Variants in TBL1XR1 observed in about 807,000 individuals in gnomAD.
TBL1XR1 encodes the protein TBL1X/Y related 1.
Under a neutral mutation model 66.9 loss-of-function variants are expected in TBL1XR1, and 5 were observed. The ratio of observed to expected loss-of-function variants is 0.07; its 90% CI spans 0.04 to 0.16. The LOEUF (loss-of-function observed/expected upper bound fraction) is 0.16, where lower values mean the gene tolerates loss of function less well. Among genes scored for constraint, TBL1XR1 ranks in the 10% least tolerant of loss-of-function variants. The pLI is 1.00. For synonymous variants in TBL1XR1, 210 were observed against 206.0 expected, an observed-to-expected ratio of 1.02 and a Z score of -0.17; for missense variants, 238 against 623.2, an observed-to-expected ratio of 0.38 and a Z score of 6.58.
intron 10 of TBL1XR1, among the ~76,000 whole-genome samples, chr3:177,043,091 G>T (rs1349956922): frequency 6.6e-6 from 1 of 152,112 alleles, no homozygotes; most frequent in African/African-American, 2.4e-5. Context: ...GTGGGTTCCT[G>T]AGTACTTGGG....
At chr3:177,194,649 G>C (rs754207046) in intron 1 of TBL1XR1, among the ~76,000 whole-genome samples, 1 of 151,986 alleles carries the variant, frequency 6.6e-6, no homozygotes, top group Non-Finnish European at 1.5e-5. Context: ...TGTTCAAAAG[G>C]TCTATTAATA....
intron 1 of TBL1XR1, among the ~76,000 whole-genome samples, chr3:177,193,374 G>A (rs189833032): frequency 9.9e-5 from 15 of 151,624 alleles, no homozygotes; most frequent in African/African-American, 3.1e-4. Context: ...GCAATGGCGC[G>A]ATCTTGGCTC....
chr3:177,200,340 C>T (rs1363643976), upstream of TBL1XR1, among the ~76,000 whole-genome samples: 1 of 152,148 alleles, frequency 6.6e-6, no homozygotes, highest in African/African-American at 2.4e-5. Context: ...TTGATTCTTC[C>T]AGCAAAGGGG....
intron 1 of TBL1XR1, among the ~76,000 whole-genome samples, chr3:177,162,913 G>T (rs554884887): frequency 6.6e-6 from 1 of 152,286 alleles, no homozygotes; most frequent in East Asian, 1.9e-4. Context: ...CACTATGTTG[G>T]CAAGAACATG....
At chr3:177,034,617 T>C (rs1342311466) in intron 12 of TBL1XR1, among the ~76,000 whole-genome samples, 2 of 152,150 alleles carry the variant, frequency 1.3e-5, no homozygotes, top group Non-Finnish European at 2.9e-5. Context: ...TCCTAAAATG[T>C]TGAAGGCACA....
intron 3 of TBL1XR1, among the ~76,000 whole-genome samples, chr3:177,055,873 T>C (rs940558487): frequency 6.6e-6 from 1 of 152,192 alleles, no homozygotes; most frequent in African/African-American, 2.4e-5. Context: ...AGAGGGCCTA[T>C]ACCATATGCT....
intron 1 of TBL1XR1, among the ~76,000 whole-genome samples, chr3:177,101,616 T>A (rs189545432): frequency 6.6e-6 from 1 of 152,174 alleles, no homozygotes; most frequent in Non-Finnish European, 1.5e-5. Flanking sequence ...CCCTCCAACA[T>A]GTTATAAAGC....
chr3:177,038,364 A>C lies in TBL1XR1; in HGVS notation c.996T>G (p.His332Gln). 1 of 1,588,670 alleles carries C rather than the reference A, an allele frequency of 6.3e-7. No individual in the cohort carries two copies. The highest frequency in any genetic ancestry group is 8.6e-7 in the Non-Finnish European group (1 of 1,165,712). The change falls in exon 11 of 16, where the codon CAT (histidine) becomes CAG (glutamine). Residue 332 changes from histidine (H) to glutamine (Q), a missense_variant. Coordinates refer to ENST00000457928, the MANE Select transcript of TBL1XR1 (RefSeq NM_024665.7). Reference protein sequence around the residue: ...FASCSTDMCIHVCKLGQDRPI... With the variant: ...FASCSTDMCIQVCKLGQDRPI... ...GTCTGTCTTGTCCTAATTTACAGAC[A>C]TGAATGCACATATCTGTACTACAAG...
In TBL1XR1 at chr3:177,025,536, T is replaced by A; in HGVS notation, c.1519-12A>T. 6.2e-7 allele frequency: 1 copy of A among 1,611,820 alleles called. No homozygotes were observed. Reference sequence around the variant, plus strand: ...TCTAATACACAAACCTGTAAGAAATTAAAATAATCAACCAGTGTATTCAGA... The same window carrying A: ...TCTAATACACAAACCTGTAAGAAATAAAAATAATCAACCAGTGTATTCAGA... On this transcript the variant is annotated splice_polypyrimidine_tract_variant and intron_variant, in intron 15 of 15. Coordinates refer to ENST00000457928, the MANE Select transcript of TBL1XR1 (RefSeq NM_024665.7).
rs1473385723 is a variant in TBL1XR1 at position 177,114,985 on chromosome 3, G to GAAA, written c.-121-16447_-121-16445dup. Among the ~76,000 whole-genome samples the GAAA allele has an allele frequency of 2.7e-5, 4 of 150,086 alleles. No homozygotes were observed. The South Asian group carries it at 6.5e-4, about 24-fold the overall frequency. ...CAGAGTAAGACCTTGTCACTTTGGG[G>GAAA]AAAAAAATAATAATAATAATAATAA... On this transcript the variant is annotated intron_variant, in intron 1 of 15. Coordinates refer to ENST00000457928, the MANE Select transcript of TBL1XR1 (RefSeq NM_024665.7).
At chr3:177,039,250 A>G (rs903324443) in intron 10 of TBL1XR1, among the ~76,000 whole-genome samples, 6 of 152,232 alleles carry the variant, frequency 3.9e-5, no homozygotes, top group African/African-American at 1.4e-4. Flanking sequence ...GGTCCCAAAC[A>G]CTTAGATAAG....
At chr3:177,132,849 T>C (rs570232302) in intron 1 of TBL1XR1, among the ~76,000 whole-genome samples, 74 of 152,324 alleles carry the variant, frequency 4.9e-4, no homozygotes, top group Non-Finnish European at 9.7e-4. Flanking sequence ...GCCTTATGAA[T>C]TCAGATTTCC....
chr3:177,085,116 A>ATTT (rs1405549654), intron 2 of TBL1XR1, among the ~76,000 whole-genome samples: 2 of 152,234 alleles, frequency 1.3e-5, no homozygotes, highest in Non-Finnish European at 2.9e-5. Flanking sequence ...AAGCATAAGA[A>ATTT]TAAATCCCTA....
chr3:177,180,066 A>C (rs1734618407), intron 1 of TBL1XR1, among the ~76,000 whole-genome samples: 2 of 151,920 alleles, frequency 1.3e-5, no homozygotes. Context: ...GTGAAACCCT[A>C]TCTCTACTAA....
intron 7 of TBL1XR1, chr3:177,047,983 T>C (rs1457494436): frequency 6.1e-6 from 1 of 163,384 alleles, no homozygotes; most frequent in Non-Finnish European, 1.4e-5. Flanking sequence ...CTCTAAATCC[T>C]TTACTGTCTA....
intron 2 of TBL1XR1, among the ~76,000 whole-genome samples, chr3:177,089,345 C>T (rs570816520): frequency 6.6e-6 from 1 of 152,276 alleles, no homozygotes; most frequent in East Asian, 1.9e-4. Context: ...TCAGGAGCTG[C>T]TGCCCTGCCC....
intron 1 of TBL1XR1, among the ~76,000 whole-genome samples, chr3:177,189,015 G>T (rs1735785519): frequency 6.6e-6 from 1 of 151,752 alleles, no homozygotes; most frequent in Admixed American, 6.6e-5. Context: ...AGACCAGCCT[G>T]GCCAACATAA....
chr3:177,153,284 G>C (rs186398508), intron 1 of TBL1XR1, among the ~76,000 whole-genome samples: 3 of 152,244 alleles, frequency 2.0e-5, no homozygotes, highest in African/African-American at 7.2e-5. Context: ...GACCTGACTA[G>C]AAGAAGTGTT....
intron 1 of TBL1XR1, among the ~76,000 whole-genome samples, chr3:177,135,338 C>CATATATATATATATATAT (rs1177634107): frequency 4.4e-5 from 1 of 22,476 alleles, no homozygotes; most frequent in Non-Finnish European, 8.0e-5. Context: ...TGTGTGTATA[C>CATATATATATATATATAT]ATATATATAT....
Sources: gnomAD v4.1 joint callset for allele counts (sites outside exome capture counted in the v4.1 genomes callset) on GRCh38, gnomAD v4.1.1 for gene constraint, MANE v1.5 for transcripts, NCBI Gene and HGNC (gene_info 2026-07-23, HGNC 2026-07-21) for gene names.